The following NUP210L variants were observed in gnomAD, a reference collection of about 807,000 sequenced individuals.
NUP210L encodes nuclear pore membrane glycoprotein 210-like.
A neutral mutation model predicts 208.5 loss-of-function variants in NUP210L; 74 were observed. The observed-to-expected ratio is 0.35, with a 90% CI of 0.29 to 0.43. The LOEUF is 0.43. Among genes scored for constraint, NUP210L ranks in the 20% least tolerant of loss-of-function variants. The pLI is 1.00. For missense variants in NUP210L, 1,843 were observed against 2,289.4 expected, an observed-to-expected ratio of 0.81 and a Z score of 3.98; for synonymous variants, 780 against 816.9, an observed-to-expected ratio of 0.95 and a Z score of 0.77.
At chr1:154,018,147 T>A (rs1195384732) in intron 33 of NUP210L, among the ~76,000 whole-genome samples, 3 of 152,016 alleles carry the variant, frequency 2.0e-5, no homozygotes, top group Non-Finnish European at 4.4e-5. Context: ...AATTTTTGTA[T>A]TTTTAGTAGT....
At chr1:154,101,915 C>T (rs1486315496) in intron 13 of NUP210L, among the ~76,000 whole-genome samples, 1 of 151,988 alleles carries the variant, frequency 6.6e-6, no homozygotes, top group Non-Finnish European at 1.5e-5. Context: ...TTTGGGAGGC[C>T]GAGGCAGGTG....
chr1:154,078,075 T>C (rs1655132158), intron 16 of NUP210L, among the ~76,000 whole-genome samples: 2 of 150,594 alleles, frequency 1.3e-5, no homozygotes, highest in Admixed American at 6.7e-5. Flanking sequence ...GAGGTCGAGG[T>C]GGGCGGATCG....
At chr1:154,089,666 G>A (rs1655805418) in intron 15 of NUP210L, 72 bp from the exon 16 acceptor site, 1 of 1,270,098 alleles carries the variant, frequency 7.9e-7, no homozygotes, top group Non-Finnish European at 1.1e-6. Context: ...ATATAAATGT[G>A]TTAGAATTAT....
intron 12 of NUP210L, among the ~76,000 whole-genome samples, chr1:154,109,072 C>G (rs1460237717): frequency 6.6e-6 from 1 of 151,652 alleles, no homozygotes; most frequent in African/African-American, 2.4e-5. Flanking sequence ...CGCACTCCAG[C>G]CTGGGCAACA....
chr1:154,020,557 C>T (rs185054483), intron 32 of NUP210L, among the ~76,000 whole-genome samples: 542 of 152,210 alleles, frequency 3.6e-3, no homozygotes, highest in Non-Finnish European at 6.4e-3. Context: ...GACAGAGTCT[C>T]GCTCCATCAC....
intron 17 of NUP210L, among the ~76,000 whole-genome samples, chr1:154,069,118 T>C (rs1286917608): frequency 6.6e-6 from 1 of 152,120 alleles, no homozygotes; most frequent in Non-Finnish European, 1.5e-5. Flanking sequence ...GGCAATACCA[T>C]TCAGGACATA....
At chr1:154,023,267 T>A in exon 31 of NUP210L, 1 of 1,611,996 alleles carries the variant, frequency 6.2e-7, no homozygotes, top group Middle Eastern at 1.7e-4. Context: ...TTGGGTTGGC[T>A]GCTCACTCGC....
At chr1:154,004,290 C>T (rs1264971942) in intron 35 of NUP210L, among the ~76,000 whole-genome samples, 1 of 151,918 alleles carries the variant, frequency 6.6e-6, no homozygotes, top group Non-Finnish European at 1.5e-5. Flanking sequence ...AAGATGGTCT[C>T]GATCTCCTGA....
intron 10 of NUP210L, among the ~76,000 whole-genome samples, chr1:154,120,523 C>G (rs968063606): frequency 6.7e-6 from 1 of 150,100 alleles, no homozygotes. Context: ...ATATACCTAA[C>G]GTAAATGATA....
intron 19 of NUP210L, 132 bp from the exon 20 acceptor site, chr1:154,060,773 A>C (rs374377075): frequency 1.3e-6 from 1 of 764,244 alleles, no homozygotes; most frequent in Admixed American, 2.8e-5. Flanking sequence ...GACAAAATAC[A>C]ATTATTAAAG....
At chr1:154,152,823 C>T (rs191237997) in exon 2 of NUP210L, 1 of 1,613,846 alleles carries the variant, frequency 6.2e-7, no homozygotes, top group African/African-American at 1.3e-5. Context: ...CACAAGGTGC[C>T]ATTTTCATAT....
chr1:154,118,801 T>C, exon 11 of NUP210L: 1 of 1,563,136 alleles, frequency 6.4e-7, no homozygotes, highest in African/African-American at 1.4e-5. Flanking sequence ...AGGCTGAATA[T>C]CTTTATTCTA....
intron 27 of NUP210L, among the ~76,000 whole-genome samples, chr1:154,030,448 C>T (rs1280491820): frequency 6.6e-6 from 1 of 152,066 alleles, no homozygotes; most frequent in South Asian, 2.1e-4. Context: ...CAGGGGCACA[C>T]CACCACACTC....
At chr1:154,141,841 C>T (rs763341112) in intron 3 of NUP210L, among the ~76,000 whole-genome samples, 31 of 152,262 alleles carry the variant, frequency 2.0e-4, no homozygotes, top group Non-Finnish European at 2.9e-4. Context: ...CATCCTTAAT[C>T]CTGGTCCCCT....
rs367543441 is a variant in NUP210L at position 153,992,969 on chromosome 1, C to G, written c.5567-34G>C. 14 of 1,606,826 alleles carry G rather than the reference C, an allele frequency of 8.7e-6. No homozygotes were observed. In the South Asian group the frequency reaches 1.2e-4, roughly 14 times the overall value. The stretch of plus-strand genomic sequence containing the variant: ...AGAGGGAAAAGTTGAGTGAATTAAA[C>G]GTGTGTATCTGAGCTTTTCAAAGAT... On this transcript the variant is annotated intron_variant, in intron 39 of 39. Transcript: ENST00000368559.
chr1:154,078,856 C>T (rs1392166024), intron 16 of NUP210L: 1 of 152,094 alleles, frequency 6.6e-6, no homozygotes, highest in African/African-American at 2.4e-5. Flanking sequence ...CAACACTAAA[C>T]AAGAAGGCCA....
rs1309407062 is a variant in NUP210L, at chr1:154,150,025, T to C, written c.340+2711A>G. 1.3e-5 allele frequency among the ~76,000 whole-genome samples: 2 copies of C among 152,054 alleles called. 1 individual carries two copies. Among genetic ancestry groups the C allele is most frequent in the African/African-American group, 4.8e-5 (2 of 41,412 alleles). ...GGTGGACTGCTTAACTCCAGGAGTT[T>C]GAGACCAGCCTAGGCAACATGGCGA... On this transcript the variant is annotated intron_variant, in intron 2 of 39. Coordinates refer to ENST00000368559, the Ensembl canonical transcript of NUP210L.
chr1:154,055,175 C>CT (rs59737573), intron 23 of NUP210L, among the ~76,000 whole-genome samples: 1 of 81,528 alleles, frequency 1.2e-5, no homozygotes, highest in African/African-American at 4.0e-5. Flanking sequence ...TTCTTTCTTT[C>CT]TTTCTTTCTT....
chr1:154,147,855 C>G (rs1331178773), intron 2 of NUP210L, among the ~76,000 whole-genome samples: 1 of 149,848 alleles, frequency 6.7e-6, no homozygotes, highest in East Asian at 2.1e-4. Context: ...TGGGGTTTCA[C>G]CATGTTGGCA....
Sources: gnomAD v4.1 joint callset for allele counts (sites outside exome capture counted in the v4.1 genomes callset) on GRCh38, gnomAD v4.1.1 for gene constraint, MANE v1.5 for transcripts, NCBI Gene and HGNC (gene_info 2026-07-23, HGNC 2026-07-21) for gene names.